NPEPL1: variants seen among roughly 807,000 people sequenced by gnomAD.
The protein encoded by NPEPL1 is aminopeptidase like 1.
A neutral mutation model predicts 52.4 loss-of-function variants in NPEPL1; 45 were observed. That is an observed-to-expected ratio of 0.86 (90% CI 0.68 to 1.10). NPEPL1 has a LOEUF of 1.10. NPEPL1 is among the 50% of genes least tolerant of loss of function. The probability of loss-of-function intolerance (pLI) is 0.00; values close to 1 mark genes in which losing one functional copy is unlikely to be tolerated. For missense variants in NPEPL1, 696 were observed against 710.9 expected (o/e 0.98, Z 0.24); for synonymous variants, 360 against 314.7 (o/e 1.14, Z -1.52).
rs1202801200 is a variant in NPEPL1 at position 58,694,488 on chromosome 20, A to G, written c.403A>G (p.Thr135Ala). The change falls in exon 3 of 12, where the codon ACC becomes GCC. Residue 135 changes from threonine to alanine, a missense_variant. Transcript: ENST00000356091. ...CALARAFPLF[T>A]HRSGASRRLE... ...CCTGGCCCGGGCCTTCCCGCTGTTC[A>G]CCCACCGCTCAGGTGCCTCTCGGCG... 2 of 1,613,630 alleles carry G rather than the reference A, an allele frequency of 1.2e-6. No individual in the cohort carries two copies. Among genetic ancestry groups the G allele is most frequent in the African/African-American group, 2.7e-5 (2 of 74,838 alleles).
At chr20:58,702,293 C>A in intron 6 of NPEPL1, among the ~76,000 whole-genome samples, 1 of 120,164 alleles carries the variant, frequency 8.3e-6, no homozygotes, top group East Asian at 2.1e-4. Flanking sequence ...GTGGGCCTGC[C>A]CCTGGTGTCA....
intron 1 of NPEPL1, 66 bp downstream of exon 1, chr20:58,693,116 G>A: frequency 1.0e-6 from 1 of 971,122 alleles, no homozygotes; most frequent in Non-Finnish European, 1.2e-6. Context: ...GGCCCGCGGA[G>A]GCCCCGCCTC....
Position 58,713,185 on chromosome 20 carries a change from G to C in NPEPL1, c.1002-235G>C, listed in dbSNP as rs2084889214. 2.0e-6 allele frequency: 1 copy of C among 509,696 alleles called. No homozygotes were observed. Among genetic ancestry groups the C allele is most frequent in the African/African-American group, 1.9e-5 (1 of 52,514 alleles). The allele number at this position is 509,696 out of a possible 1,614,324, so 31.6% of individuals were successfully genotyped here. On this transcript the variant is annotated intron_variant, in intron 8 of 11. Coordinates refer to ENST00000356091, the MANE Select transcript of NPEPL1 (RefSeq NM_024663.4). This position sits in a 1 kb window ranked among gnomAD's most constrained non-coding sequence, Gnocchi z 4.6. ...GAGGCATGGGAGAGCCAAATGGCTG[G>C]TCTCTGGCTCTCCAGAGCAGCGGGG... is the stretch of plus-strand genomic sequence containing the variant.
rs1165004521 is a variant in NPEPL1, at chr20:58,693,727, T to C, written c.151-10T>C. On this transcript the variant is annotated splice_polypyrimidine_tract_variant and intron_variant, in intron 1 of 11. Transcript: ENST00000356091. ...AAGCCTCTGTGTCTTGTCTCTCCCTTCTGATCTAGCTCTGGCAGGCTGCCC... is the reference window on the plus strand; with the variant it reads ...AAGCCTCTGTGTCTTGTCTCTCCCTCCTGATCTAGCTCTGGCAGGCTGCCC... The C allele has an allele frequency of 1.3e-6, 2 of 1,594,246 alleles. No homozygotes were observed. The highest frequency in any genetic ancestry group is 1.7e-6 in the Non-Finnish European group (2 of 1,165,316).
chr20:58,691,693 CTTTTTTTTTTTTTTTT>C, upstream of NPEPL1: 1 of 561,314 alleles, frequency 1.8e-6, no homozygotes. Context: ...TTTTTCTTTT[CTTTTTTTTTTTTTTTT>C]TTTTTCATTT....
Position 58,694,557 on chromosome 20 carries a change from C to A in NPEPL1, c.472C>A (p.Gln158Lys). 1.2e-6 allele frequency: 2 copies of A among 1,613,818 alleles called. No homozygotes were observed. The highest frequency in any genetic ancestry group is 1.7e-6 in the Non-Finnish European group (2 of 1,179,830). Residue 158 changes from glutamine to lysine, a missense_variant, in exon 3 of 12, where the codon CAA becomes AAA. Gln to Lys is a moderately conservative substitution (Grantham distance 53). Coordinates refer to ENST00000356091, the MANE Select transcript of NPEPL1 (RefSeq NM_024663.4). ...TVTVEFFLVG[Q>K]DNGPVEVSTL... ...CACCGTGGAGTTTTTCCTGGTGGGA[C>A]AAGACAACGGGCCGGTGGAGGTGTC...
In NPEPL1 at chr20:58,713,634, G is replaced by T. The variant is rs968737531; in HGVS notation, c.1125+91G>T. ...AAGGTGGGGAAGGCAGCGCGTGGGG[G>T]CTGCCGTCAGGAAGTTTTCATAACT... On this transcript the variant is annotated intron_variant, in intron 9 of 11. Transcript: ENST00000356091. The surrounding 1 kb of genome is among the most constrained non-coding windows in gnomAD (Gnocchi z 4.6). 2 of 1,429,368 alleles carry T rather than the reference G, an allele frequency of 1.4e-6. No homozygotes were observed. The highest frequency in any genetic ancestry group is 1.8e-6 in the Non-Finnish European group (2 of 1,085,238). 88.5% of individuals were successfully genotyped at this position (1,429,368 alleles called of 1,614,324 possible).
intron 2 of NPEPL1, among the ~76,000 whole-genome samples, 161 bp from the exon 3 acceptor site, chr20:58,694,261 C>T (rs991393265): frequency 1.3e-5 from 2 of 152,148 alleles, no homozygotes; most frequent in South Asian, 4.1e-4. Context: ...CCCATGGTTC[C>T]GGGGATGACC....
Position 58,713,393 on chromosome 20 carries a change from T to C in NPEPL1, c.1002-27T>C. On this transcript the variant is annotated intron_variant, in intron 8 of 11. Transcript: ENST00000356091. The surrounding 1 kb of genome is among the most constrained non-coding windows in gnomAD (Gnocchi z 4.6). ...CCAGTGTCCCAGGAAATCCCGTCCC[T>C]GAGCGGGGATCTCTACCATGCCCCA... The C allele has an allele frequency of 6.4e-7, 1 of 1,572,260 alleles. No homozygotes were observed. Among genetic ancestry groups the C allele is most frequent in the South Asian group, 1.2e-5 (1 of 86,346 alleles).
chr20:58,698,908 C>T (rs6015341), intron 4 of NPEPL1, 135 bp downstream of exon 4: 52,373 of 745,370 alleles, frequency 0.07, 2,487 homozygotes, highest in African/African-American at 0.19. Flanking sequence ...CTCGGCGGAG[C>T]GCTGCTGTCT....
At chr20:58,714,963 C>A in intron 11 of NPEPL1, 1 of 649,184 alleles carries the variant, frequency 1.5e-6, no homozygotes, top group Non-Finnish European at 2.6e-6. Context: ...GGGCCTTGCC[C>A]CCTGCCTACG....
At position 58,694,433 on chromosome 20, in the gene NPEPL1, G is replaced by A. The variant is rs371136464; in HGVS notation, c.348G>A (p.Glu116=). The change falls in exon 3 of 12, where the codon GAG becomes GAA. Residue 116 remains glutamate (E), a synonymous_variant. Transcript: ENST00000356091. ...CCTATGTGCCACAGATGGTCTGCGA[G>A]CAGCCGGAGGTCTTTGCTTCCGCCT... ...GAHRCIVMVC[E]QPEVFASACA... is the part of the protein sequence containing the mutation. 3 of 1,610,018 alleles carry A rather than the reference G, an allele frequency of 1.9e-6. No individual in the cohort carries two copies. The highest frequency in any genetic ancestry group is 2.7e-5 in the African/African-American group (2 of 74,846).
rs2084890134 is a variant in NPEPL1, at chr20:58,713,238, T to C, written c.1002-182T>C. The C allele has an allele frequency of 4.3e-6, 3 of 698,598 alleles. No homozygotes were observed. The highest frequency in any genetic ancestry group is 2.8e-5 in the East Asian group (1 of 35,814). 43.3% of individuals were successfully genotyped at this position (698,598 alleles called of 1,614,324 possible). A position where few individuals can be genotyped will look rare whatever the true frequency, so the allele number is the denominator to read the frequency against. On this transcript the variant is annotated intron_variant, in intron 8 of 11. Coordinates refer to ENST00000356091, the MANE Select transcript of NPEPL1 (RefSeq NM_024663.4). This position sits in a 1 kb window ranked among gnomAD's most constrained non-coding sequence, Gnocchi z 4.6. ...GGGATGTCACCTGGAAGCCCTTTGC[T>C]CCAGGCACTGCATTGCTGTAGGGAC...
rs1003550414 is a variant in NPEPL1, at chr20:58,693,566, C to T, written c.151-171C>T. The T allele has an allele frequency of 1.7e-5, 10 of 582,444 alleles. No homozygotes were observed. The Admixed American group carries it at 2.0e-4, about 12-fold the overall frequency. 36.1% of individuals were successfully genotyped at this position (582,444 alleles called of 1,614,324 possible). A position where few individuals can be genotyped will look rare whatever the true frequency, so the allele number is the denominator to read the frequency against. ...TGCGAGCCAGCCTAGAGACAGTTAG[C>T]TCTGCAGAGAGGCGACACATCTCCC... On this transcript the variant is annotated intron_variant, in intron 1 of 11. Coordinates refer to ENST00000356091, the MANE Select transcript of NPEPL1 (RefSeq NM_024663.4).
chr20:58,702,264 C>T (rs753619622), intron 6 of NPEPL1, among the ~76,000 whole-genome samples: 1 of 152,216 alleles, frequency 6.6e-6, no homozygotes, highest in Non-Finnish European at 1.5e-5. Context: ...TCCCGCCTGG[C>T]AGCATTCCCC....
chr20:58,714,250 A>G, intron 10 of NPEPL1, 157 bp downstream of exon 10: 1 of 756,098 alleles, frequency 1.3e-6, no homozygotes, highest in Non-Finnish European at 2.0e-6. Context: ...AGGGCACAGG[A>G]GTCATCCCAG....
At position 58,693,038 on chromosome 20, in the gene NPEPL1, G is replaced by T; in HGVS notation, c.138G>T (p.Arg46=). 1 of 1,051,730 alleles carries T rather than the reference G, an allele frequency of 9.5e-7. No homozygotes were observed. The highest frequency in any genetic ancestry group is 1.1e-6 in the Non-Finnish European group (1 of 869,946). The allele number at this position is 1,051,730 out of a possible 1,614,324, so 65.1% of individuals were successfully genotyped here. ...WSHVRGKLQP[R]VTEELWQAAL... ...ACGTCCGCGGGAAGCTGCAGCCCCG[G>T]GTCACCGAGGAGGTGAGCGGGCCGC... The change falls in exon 1 of 12, where the codon CGG becomes CGT. Residue 46 remains arginine (R), a synonymous_variant. Transcript: ENST00000356091.
rs887685557 is a variant in NPEPL1, at chr20:58,715,650, G to A, written c.*324G>A. On this transcript the variant is annotated 3_prime_UTR_variant, in exon 12 of 12. Transcript: ENST00000356091. ...GTGCCCTGTCCCAGCCCCAGGTCCT[G>A]TGCAGGGCACCTGCGTGGCTGACAG... The A allele has an allele frequency of 6.1e-5, 13 of 213,722 alleles. No individual in the cohort carries two copies. The highest frequency in any genetic ancestry group is 2.6e-4 in the African/African-American group (11 of 42,718). The allele number at this position is 213,722 out of a possible 1,614,324, so 13.2% of individuals were successfully genotyped here. A position where few individuals can be genotyped will look rare whatever the true frequency, so the allele number is the denominator to read the frequency against.
At chr20:58,708,211 G>A (rs2084772906) in intron 7 of NPEPL1, among the ~76,000 whole-genome samples, 1 of 152,240 alleles carries the variant, frequency 6.6e-6, no homozygotes, top group Admixed American at 6.5e-5. Flanking sequence ...AAAAGGCCTT[G>A]GCAAGTAGTT....
Sources: allele counts gnomAD v4.1 joint callset (sites outside exome capture counted in the v4.1 genomes callset), GRCh38; gene constraint gnomAD v4.1.1; non-coding constraint Gnocchi (gnomAD v3.1); transcripts MANE v1.5; gene names NCBI Gene and HGNC (gene_info 2026-07-23, HGNC 2026-07-21).